The following HPSE2 variants were observed in gnomAD, a reference collection of about 807,000 sequenced individuals.
The protein encoded by HPSE2 is heparanase 2 (inactive), also known as inactive heparanase-2.
In HPSE2, 38 loss-of-function variants were observed where a neutral mutation model predicts 60.5. The ratio of observed to expected loss-of-function variants is 0.63; its 90% CI spans 0.48 to 0.82. The LOEUF is 0.82. HPSE2 is among the 40% of genes least tolerant of loss of function. The pLI is 0.00. For synonymous variants in HPSE2, 295 were observed against 293.2 expected (o/e 1.01, Z -0.06); for missense variants, 713 against 740.4 (o/e 0.96, Z 0.43).
intron 9 of HPSE2, among the ~76,000 whole-genome samples, chr10:98,514,467 A>G (rs2133753783): frequency 6.6e-6 from 1 of 152,306 alleles, no homozygotes; most frequent in East Asian, 1.9e-4. Flanking sequence ...AGAAAAAAGG[A>G]ATGAATTTCT....
intron 4 of HPSE2, among the ~76,000 whole-genome samples, chr10:98,732,420 T>C (rs187704291): frequency 1.4e-4 from 21 of 152,264 alleles, no homozygotes; most frequent in African/African-American, 4.3e-4. Flanking sequence ...AATGTAGTCC[T>C]AGCATAAGGA....
Position 99,235,500 on chromosome 10 carries a change from AC to A in HPSE2, c.290+12del, listed in dbSNP as rs759996382. On this transcript the variant is annotated intron_variant, in intron 1 of 11. Coordinates refer to ENST00000370552, the MANE Select transcript of HPSE2 (RefSeq NM_021828.5). ...AAAAAATTTTAAATGATCCATCGAA[AC>A]CCCTGCCTTACCTTAGGAAATCGAG... 6.2e-7 allele frequency: 1 copy of A among 1,613,652 alleles called. No individual in the cohort carries two copies. Among genetic ancestry groups the A allele is most frequent in the South Asian group, 1.1e-5 (1 of 91,030 alleles).
rs913442841 is a variant in HPSE2, at chr10:98,896,126, T to C, written c.611-152070A>G. Among the ~76,000 whole-genome samples, 4 of 151,888 alleles carry C rather than the reference T, an allele frequency of 2.6e-5. No individual in the cohort carries two copies. In the South Asian group the frequency reaches 6.2e-4, roughly 24 times the overall value. ...GAAAAAAAAAACCTCATCTATAGTA[T>C]CTCCTCTAAAGTAGTTCCCTTGCAA... On this transcript the variant is annotated intron_variant, in intron 3 of 11. Transcript: ENST00000370552.
rs544500774 is a variant in HPSE2 at position 99,093,928 on chromosome 10, C to T, written c.610+50310G>A. On this transcript the variant is annotated intron_variant, in intron 3 of 11. Transcript: ENST00000370552. The stretch of plus-strand genomic sequence containing the variant: ...TCTCTCTTGAATTTCTTTCCACAAA[C>T]ACATACTATGTGTATAGATATATAT... Among the ~76,000 whole-genome samples the T allele has an allele frequency of 2.6e-5, 4 of 152,290 alleles. No individual in the cohort carries two copies. The East Asian group carries it at 5.8e-4, about 22-fold the overall frequency.
At chr10:98,677,965 C>A (rs10883156) in intron 6 of HPSE2, among the ~76,000 whole-genome samples, 4 of 152,030 alleles carry the variant, frequency 2.6e-5, no homozygotes, top group Admixed American at 2.0e-4. Flanking sequence ...CTTTCAATGA[C>A]TTTTGAAAGT....
intron 3 of HPSE2, among the ~76,000 whole-genome samples, chr10:98,991,159 A>G (rs1189648384): frequency 6.6e-6 from 1 of 152,242 alleles, no homozygotes; most frequent in African/African-American, 2.4e-5. Flanking sequence ...CTCTAAGAAT[A>G]TAACACAGAA....
intron 9 of HPSE2, among the ~76,000 whole-genome samples, chr10:98,605,946 G>A (rs1945570809): frequency 6.6e-6 from 1 of 152,312 alleles, no homozygotes; most frequent in South Asian, 2.1e-4. Flanking sequence ...TGCCTCTTCA[G>A]TGAAGACCTC....
intron 3 of HPSE2, among the ~76,000 whole-genome samples, chr10:98,864,106 C>G (rs1257073812): frequency 1.3e-5 from 2 of 152,076 alleles, no homozygotes; most frequent in East Asian, 1.9e-4. Flanking sequence ...ATTTACATCA[C>G]TAATCTTACA....
intron 3 of HPSE2, among the ~76,000 whole-genome samples, chr10:98,944,423 A>G (rs1340857918): frequency 6.6e-6 from 1 of 152,140 alleles, no homozygotes; most frequent in Non-Finnish European, 1.5e-5. Flanking sequence ...AAATTCTACC[A>G]TTAGAATATT....
intron 5 of HPSE2, among the ~76,000 whole-genome samples, chr10:98,707,308 A>G (rs187414814): frequency 1.3e-5 from 2 of 152,316 alleles, no homozygotes; most frequent in Admixed American, 6.5e-5. Context: ...ACAGCCCTAT[A>G]TTCATAAGAA....
At chr10:99,241,294 T>C in the HPSE2 span, among the ~76,000 whole-genome samples, 1 of 152,084 alleles carries the variant, frequency 6.6e-6, no homozygotes, top group Non-Finnish European at 1.5e-5. Flanking sequence ...AGAGCAGGAG[T>C]TGGAGGCTCT....
chr10:98,854,840 A>G (rs1404898346), intron 3 of HPSE2, among the ~76,000 whole-genome samples: 2 of 152,198 alleles, frequency 1.3e-5, no homozygotes, highest in Non-Finnish European at 2.9e-5. Flanking sequence ...GGATTCTTAT[A>G]CATCATATTT....
At chr10:98,610,048 A>G (rs368551214) in intron 9 of HPSE2, among the ~76,000 whole-genome samples, 218 of 152,022 alleles carry the variant, frequency 1.4e-3, no homozygotes, top group African/African-American at 4.9e-3. Flanking sequence ...TCACTATGTT[A>G]GCCAGGATGG....
At position 98,862,325 on chromosome 10, in the gene HPSE2, G is replaced by T. The variant is rs543023207; in HGVS notation, c.611-118269C>A. On this transcript the variant is annotated intron_variant, in intron 3 of 11. Coordinates refer to ENST00000370552, the MANE Select transcript of HPSE2 (RefSeq NM_021828.5). Reference sequence around the variant, plus strand: ...AACTTGGGGGTCTCATATATTCCAAGTATCAGTCCTTAGAAACAGAAAAAT... The same window carrying T: ...AACTTGGGGGTCTCATATATTCCAATTATCAGTCCTTAGAAACAGAAAAAT... Among the ~76,000 whole-genome samples the T allele has an allele frequency of 2.0e-5, 3 of 152,220 alleles. No homozygotes were observed. The South Asian group carries it at 6.2e-4, about 32-fold the overall frequency.
At chr10:98,953,062 G>A (rs543560521) in intron 3 of HPSE2, among the ~76,000 whole-genome samples, 5 of 152,266 alleles carry the variant, frequency 3.3e-5, no homozygotes, top group Non-Finnish European at 7.4e-5. Context: ...ACTTCTGCCA[G>A]GGCCTGGAAT....
At chr10:99,128,261 A>G (rs1845240205) in intron 3 of HPSE2, among the ~76,000 whole-genome samples, 1 of 152,214 alleles carries the variant, frequency 6.6e-6, no homozygotes, top group Admixed American at 6.5e-5. Flanking sequence ...ATAGCGGAAG[A>G]TGATGTGGCA....
intron 9 of HPSE2, among the ~76,000 whole-genome samples, chr10:98,569,538 C>T (rs1400832328): frequency 1.3e-5 from 2 of 151,980 alleles, no homozygotes; most frequent in African/African-American, 4.8e-5. Context: ...TCTATCCCTC[C>T]AAATCCATAT....
chr10:98,584,253 T>C (rs1159216811), intron 9 of HPSE2, among the ~76,000 whole-genome samples: 1 of 152,196 alleles, frequency 6.6e-6, no homozygotes, highest in African/African-American at 2.4e-5. Flanking sequence ...CCAAAATCTA[T>C]GTACTTTTGG....
At chr10:98,517,536 C>T (rs1198026452) in intron 9 of HPSE2, among the ~76,000 whole-genome samples, 1 of 152,162 alleles carries the variant, frequency 6.6e-6, no homozygotes, top group Non-Finnish European at 1.5e-5. Flanking sequence ...GTCCCATTAA[C>T]CTAACATTTC....
Sources: gnomAD v4.1 joint callset for allele counts (sites outside exome capture counted in the v4.1 genomes callset) on GRCh38, gnomAD v4.1.1 for gene constraint, MANE v1.5 for transcripts, NCBI Gene and HGNC (gene_info 2026-07-23, HGNC 2026-07-21) for gene names.